POU2F1: variants seen among roughly 807,000 people sequenced by gnomAD.
The protein encoded by POU2F1 is POU domain, class 2, transcription factor 1.
POU2F1 carries 16 observed loss-of-function variants against 84.9 expected under a neutral mutation model. The observed-to-expected ratio is 0.19, with a 90% CI of 0.13 to 0.29. POU2F1 has a LOEUF of 0.29. Ranked by LOEUF, POU2F1 falls within the 10% of genes least tolerant of loss-of-function variation. POU2F1 has a pLI of 1.00. For missense variants in POU2F1, 738 were observed against 942.6 expected, an observed-to-expected ratio of 0.78 and a Z score of 2.84; for synonymous variants, 368 against 368.3, an observed-to-expected ratio of 1.00 and a Z score of 0.01.
At chr1:167,250,509 A>G (rs2102402386) in intron 1 of POU2F1, among the ~76,000 whole-genome samples, 1 of 152,342 alleles carries the variant, frequency 6.6e-6, no homozygotes, top group South Asian at 2.1e-4. Flanking sequence ...GGAACATTAG[A>G]GAAAAAAAGT....
At chr1:167,243,375 T>C (rs939953948) in intron 1 of POU2F1, among the ~76,000 whole-genome samples, 1 of 152,268 alleles carries the variant, frequency 6.6e-6, no homozygotes, top group African/African-American at 2.4e-5. Flanking sequence ...TTGGAATCTG[T>C]CGATTTATGT....
intron 1 of POU2F1, among the ~76,000 whole-genome samples, chr1:167,282,167 G>T (rs1252660189): frequency 1.3e-5 from 2 of 148,152 alleles, no homozygotes; most frequent in Non-Finnish European, 3.0e-5. Flanking sequence ...TTTCTGAGAC[G>T]AGTCTCGCTC....
At chr1:167,409,529 C>G (rs1170643476) in intron 13 of POU2F1, among the ~76,000 whole-genome samples, 3 of 152,162 alleles carry the variant, frequency 2.0e-5, no homozygotes, top group African/African-American at 7.2e-5. Flanking sequence ...GACTCACTGA[C>G]TGGGATAATT....
At chr1:167,292,636 C>T (rs373363209) in intron 1 of POU2F1, among the ~76,000 whole-genome samples, 6 of 151,764 alleles carry the variant, frequency 4.0e-5, no homozygotes, top group Non-Finnish European at 8.8e-5. Context: ...CAGTATCACT[C>T]TGATACCAAA....
At chr1:167,390,878 G>A (rs111501203) in intron 9 of POU2F1, among the ~76,000 whole-genome samples, 11 of 152,192 alleles carry the variant, frequency 7.2e-5, no homozygotes, top group African/African-American at 1.2e-4. Flanking sequence ...GCACAGGCAC[G>A]CATACTCTCT....
chr1:167,413,171 G>A (rs1571471501), intron 15 of POU2F1, 57 bp downstream of exon 15: 1 of 1,322,376 alleles, frequency 7.6e-7, no homozygotes, highest in South Asian at 1.2e-5. Context: ...GAGTGTGTGT[G>A]TGTGTGTGTG....
intron 13 of POU2F1, among the ~76,000 whole-genome samples, chr1:167,403,877 T>A (rs187112534): frequency 6.6e-6 from 1 of 152,352 alleles, no homozygotes. Context: ...AATACATGTA[T>A]AACTGAGAAG....
At chr1:167,269,595 ACT>A (rs1312850001) in intron 1 of POU2F1, among the ~76,000 whole-genome samples, 3 of 152,014 alleles carry the variant, frequency 2.0e-5, no homozygotes, top group South Asian at 2.1e-4. Context: ...TGAAATTAAA[ACT>A]CTGTTATTTT....
At chr1:167,263,310 A>G (rs1484899926) in intron 1 of POU2F1, among the ~76,000 whole-genome samples, 1 of 152,188 alleles carries the variant, frequency 6.6e-6, no homozygotes, top group Non-Finnish European at 1.5e-5. Flanking sequence ...ACCTGAGGTC[A>G]GGAGTTTGAG....
At chr1:167,294,484 C>G (rs1223755787) in intron 1 of POU2F1, among the ~76,000 whole-genome samples, 1 of 152,114 alleles carries the variant, frequency 6.6e-6, no homozygotes, top group Non-Finnish European at 1.5e-5. Flanking sequence ...CACAGACAAC[C>G]CACAAAGTGG....
intron 8 of POU2F1, 128 bp from the exon 9 acceptor site, chr1:167,389,460 A>G (rs1571423332): frequency 2.2e-6 from 2 of 914,568 alleles, no homozygotes; most frequent in Middle Eastern, 2.2e-4. Flanking sequence ...TATGTTGTAC[A>G]TTCTGTAGTG....
Position 167,338,048 on chromosome 1 carries a change from T to C in POU2F1, c.127+5513T>C, listed in dbSNP as rs1232634200. ...GATTGGTAGCATATAGAAACATTTT[T>C]AGACAAATGAAAAAGCAAAAAAGTC... On this transcript the variant is annotated intron_variant, in intron 2 of 15. Transcript: ENST00000367866. The C allele has an allele frequency of 6.8e-6, 3 of 439,198 alleles. No homozygotes were observed. The Admixed American group carries it at 7.4e-5, about 11-fold the overall frequency. The allele number at this position is 439,198 out of a possible 1,614,324, so 27.2% of individuals were successfully genotyped here.
intron 15 of POU2F1, chr1:167,414,716 C>T (rs1363846958): frequency 1.0e-6 from 1 of 984,812 alleles, no homozygotes; most frequent in Non-Finnish European, 1.2e-6. Flanking sequence ...TGTCTAATTT[C>T]CTGCTACAAT....
intron 11 of POU2F1, 57 bp from the exon 12 acceptor site, chr1:167,399,129 A>T (rs1649016365): frequency 1.3e-6 from 2 of 1,501,122 alleles, no homozygotes; most frequent in Non-Finnish European, 1.8e-6. Flanking sequence ...TTATGCCAGT[A>T]GTTCAAAAAG....
intron 1 of POU2F1, among the ~76,000 whole-genome samples, chr1:167,314,160 T>C (rs1482920988): frequency 6.8e-6 from 1 of 146,320 alleles, no homozygotes; most frequent in African/African-American, 2.6e-5. Flanking sequence ...ATTGCGCCAC[T>C]GCACTCCAGC....
rs1216715659 is a variant in POU2F1, at chr1:167,419,013, G to C, written c.*3203G>C. On this transcript the variant is annotated 3_prime_UTR_variant, in exon 16 of 16. Transcript: ENST00000367866. ...CGAAACACTAATATAGCTTTTTGGT[G>C]GTTGTTTAGTTTAAAATCAACTCCC... 6.6e-6 allele frequency: 1 copy of C among 152,024 alleles called. No individual in the cohort carries two copies. The highest frequency in any genetic ancestry group is 2.4e-5 in the African/African-American group (1 of 41,374). The allele number at this position is 152,024 out of a possible 1,614,324, so 9.4% of individuals were successfully genotyped here.
chr1:167,223,017 A>T (rs1351179012), intron 1 of POU2F1, among the ~76,000 whole-genome samples: 1 of 152,034 alleles, frequency 6.6e-6, no homozygotes, highest in Non-Finnish European at 1.5e-5. Flanking sequence ...AATTAACAAC[A>T]GTTTCATAAT....
chr1:167,268,555 C>T (rs1380507174), intron 1 of POU2F1, among the ~76,000 whole-genome samples: 1 of 152,062 alleles, frequency 6.6e-6, no homozygotes, highest in Non-Finnish European at 1.5e-5. Context: ...AAAAGTGCAC[C>T]CTACATGGTT....
chr1:167,353,913 C>T (rs1299872856), intron 2 of POU2F1, among the ~76,000 whole-genome samples: 4 of 152,118 alleles, frequency 2.6e-5, no homozygotes, highest in Admixed American at 2.6e-4. Context: ...CCGAAGTTAG[C>T]GTTAATGGTG....
Sources: gnomAD v4.1 joint callset for allele counts (sites outside exome capture counted in the v4.1 genomes callset) on GRCh38, gnomAD v4.1.1 for gene constraint, MANE v1.5 for transcripts, NCBI Gene and HGNC (gene_info 2026-07-23, HGNC 2026-07-21) for gene names.